The following ADCY2 variants were observed in gnomAD, a reference collection of about 807,000 sequenced individuals.
ADCY2 encodes adenylate cyclase type 2.
ADCY2 carries 31 observed loss-of-function variants against 125.2 expected under a neutral mutation model. The observed-to-expected ratio is 0.25, with a 90% confidence interval of 0.19 to 0.33. The LOEUF is 0.33. Among genes scored for constraint, ADCY2 ranks in the 10% least tolerant of loss-of-function variants. ADCY2 has a pLI of 1.00. For synonymous variants in ADCY2, 512 were observed against 548.4 expected, an observed-to-expected ratio of 0.93 and a Z score of 0.93; for missense variants, 904 against 1,418.2, an observed-to-expected ratio of 0.64 and a Z score of 5.82.
Position 7,776,305 on chromosome 5 carries a change from C to T in ADCY2, c.2384+3204C>T, listed in dbSNP as rs538172165. 3.3e-5 allele frequency among the ~76,000 whole-genome samples: 5 copies of T among 151,904 alleles called. 1 individual carries two copies. The highest frequency in any genetic ancestry group is 3.9e-4 in the East Asian group (2 of 5,128). On this transcript the variant is annotated intron_variant, in intron 18 of 24. Transcript: ENST00000338316. Reference sequence around the variant, plus strand: ...GGTGGGAGCTGGCTCACAGGACGGCCGGGCAGCACTGCCTTTTCTGATTGA... The same window carrying T: ...GGTGGGAGCTGGCTCACAGGACGGCTGGGCAGCACTGCCTTTTCTGATTGA...
intron 16 of ADCY2, among the ~76,000 whole-genome samples, chr5:7,764,890 G>A (rs964850818): frequency 3.9e-5 from 6 of 152,182 alleles, no homozygotes; most frequent in African/African-American, 7.2e-5. Flanking sequence ...CAAAGAAGAC[G>A]GAGGAAGGGA....
At chr5:7,467,177 G>A (rs1013620342) in intron 2 of ADCY2, among the ~76,000 whole-genome samples, 9 of 152,146 alleles carry the variant, frequency 5.9e-5, no homozygotes, top group African/African-American at 1.9e-4. Context: ...CCCAGATAGT[G>A]GCTTCGAACC....
At chr5:7,705,186 C>CAGA (rs1231359378) in intron 7 of ADCY2, among the ~76,000 whole-genome samples, 1 of 152,194 alleles carries the variant, frequency 6.6e-6, no homozygotes, top group African/African-American at 2.4e-5. Context: ...TGCTCAAAGA[C>CAGA]AGAAGCACAG....
chr5:7,397,873 A>G (rs574045914), intron 1 of ADCY2, among the ~76,000 whole-genome samples: 1 of 152,252 alleles, frequency 6.6e-6, no homozygotes, highest in East Asian at 1.9e-4. Flanking sequence ...TAGTCTAGAT[A>G]GGAGTCCGGA....
intron 22 of ADCY2, among the ~76,000 whole-genome samples, chr5:7,811,612 C>T (rs566603011): frequency 3.4e-4 from 51 of 151,888 alleles, no homozygotes; most frequent in Middle Eastern, 3.4e-3. Flanking sequence ...ATTTTAGTTA[C>T]TTATTATATC....
intron 4 of ADCY2, among the ~76,000 whole-genome samples, chr5:7,683,019 C>T (rs1481764663): frequency 6.6e-6 from 1 of 152,198 alleles, no homozygotes; most frequent in Non-Finnish European, 1.5e-5. Flanking sequence ...CATTCCTGCT[C>T]TGTGTAATTC....
chr5:7,746,823 A>G (rs1289424053), intron 15 of ADCY2, among the ~76,000 whole-genome samples: 2 of 152,256 alleles, frequency 1.3e-5, no homozygotes, highest in African/African-American at 4.8e-5. Flanking sequence ...AAGGAAGCTG[A>G]AGAGAGGTCA....
intron 24 of ADCY2, among the ~76,000 whole-genome samples, chr5:7,821,316 G>A (rs1022501058): frequency 6.6e-6 from 1 of 152,162 alleles, no homozygotes; most frequent in African/African-American, 2.4e-5. Context: ...TAATAATATT[G>A]TATTTTTAAA....
intron 3 of ADCY2, among the ~76,000 whole-genome samples, chr5:7,595,914 A>G (rs1233938640): frequency 6.6e-6 from 1 of 152,178 alleles, no homozygotes; most frequent in Admixed American, 6.5e-5. Context: ...CTTTTAAGAA[A>G]TATTTTTGAT....
chr5:7,653,597 ACT>A (rs1476629795), intron 4 of ADCY2, among the ~76,000 whole-genome samples: 2 of 150,354 alleles, frequency 1.3e-5, no homozygotes, highest in Non-Finnish European at 3.0e-5. Flanking sequence ...ACAGAGCGAG[ACT>A]CTGTCTTAAA....
At chr5:7,728,977 C>T (rs1022195264) in intron 14 of ADCY2, among the ~76,000 whole-genome samples, 21 of 152,274 alleles carry the variant, frequency 1.4e-4, no homozygotes, top group African/African-American at 5.1e-4. Flanking sequence ...TTTCTTGTCT[C>T]TCTTCTGTGG....
At chr5:7,695,665 A>G (rs1400071404) in intron 5 of ADCY2, 87 bp from the exon 6 acceptor site, 11 of 739,622 alleles carry the variant, frequency 1.5e-5, no homozygotes, top group Admixed American at 3.5e-5. Flanking sequence ...GCAAAATTAC[A>G]TGATTTTAAT....
intron 4 of ADCY2, among the ~76,000 whole-genome samples, chr5:7,669,548 G>A (rs935975955): frequency 6.6e-6 from 1 of 152,160 alleles, no homozygotes; most frequent in Admixed American, 6.5e-5. Context: ...ACGTGGCACT[G>A]GTTAGTGGGT....
At chr5:7,554,312 G>T (rs1481874939) in intron 3 of ADCY2, among the ~76,000 whole-genome samples, 1 of 152,136 alleles carries the variant, frequency 6.6e-6, no homozygotes, top group Non-Finnish European at 1.5e-5. Context: ...GAGCACTTTT[G>T]TCCCACATGA....
chr5:7,766,871 A>G, intron 17 of ADCY2, 65 bp downstream of exon 17: 8 of 1,539,860 alleles, frequency 5.2e-6, no homozygotes, highest in Non-Finnish European at 7.0e-6. Context: ...TGTATAACAT[A>G]TATCCTTTAG....
intron 3 of ADCY2, among the ~76,000 whole-genome samples, chr5:7,591,114 A>AG (rs1736838681): frequency 6.6e-6 from 1 of 152,204 alleles, no homozygotes; most frequent in African/African-American, 2.4e-5. Flanking sequence ...TAATTAGAAT[A>AG]GTTTATGGAA....
chr5:7,441,351 T>C (rs1741006637), intron 2 of ADCY2, among the ~76,000 whole-genome samples: 2 of 152,206 alleles, frequency 1.3e-5, no homozygotes, highest in Admixed American at 1.3e-4. Flanking sequence ...AATTAATGCC[T>C]TCGAGTGAAG....
intron 3 of ADCY2, among the ~76,000 whole-genome samples, chr5:7,574,014 G>A (rs1736161544): frequency 8.6e-6 from 1 of 115,852 alleles, no homozygotes; most frequent in Non-Finnish European, 1.8e-5. Context: ...TGCGGTGTTT[G>A]GTTTTTTGTT....
Position 7,712,926 on chromosome 5 carries a change from T to A in ADCY2, c.1622+27T>A, listed in dbSNP as rs1411003823. ...TATGGTATCTCTCTATCTGATTTTT[T>A]AAAGCTTATTGCTCTTTATTCATTT... is the stretch of plus-strand genomic sequence containing the variant. On this transcript the variant is annotated intron_variant, in intron 11 of 24. Transcript: ENST00000338316. 3.9e-6 allele frequency: 6 copies of A among 1,522,822 alleles called. No homozygotes were observed. The South Asian group carries it at 6.8e-5, about 17-fold the overall frequency. The allele number at this position is 1,522,822 out of a possible 1,614,324, so 94.3% of individuals were successfully genotyped here.
Sources: gnomAD v4.1 joint callset for allele counts (sites outside exome capture counted in the v4.1 genomes callset) on GRCh38, gnomAD v4.1.1 for gene constraint, MANE v1.5 for transcripts, NCBI Gene and HGNC (gene_info 2026-07-23, HGNC 2026-07-21) for gene names.